Variants in AKAP13 observed in about 807,000 individuals in gnomAD.
AKAP13 encodes the protein A-kinase anchor protein 13.
In AKAP13, 80 loss-of-function variants were observed where a neutral mutation model predicts 264.5. The ratio of observed to expected loss-of-function variants is 0.30; its 90% CI spans 0.25 to 0.36. The LOEUF is 0.36. AKAP13 is among the 10% of genes least tolerant of loss of function. The pLI, the probability that AKAP13 is intolerant of heterozygous loss-of-function variation, is 1.00. For synonymous variants in AKAP13, 1,380 were observed against 1,250.2 expected, an observed-to-expected ratio of 1.10 and a Z score of -2.19; for missense variants, 3,712 against 3,435.2, an observed-to-expected ratio of 1.08 and a Z score of -2.01.
chr15:85,401,727 ACTTT>A (rs2150840888), intron 1 of AKAP13, among the ~76,000 whole-genome samples: 1 of 152,288 alleles, frequency 6.6e-6, no homozygotes, highest in Non-Finnish European at 1.5e-5. Flanking sequence ...AGGTCTCCCT[ACTTT>A]CTTTCCTGTC....
At position 85,415,392 on chromosome 15, in the gene AKAP13, A is replaced by C. The variant is rs530932491; in HGVS notation, c.-12+34594A>C. On this transcript the variant is annotated intron_variant, in intron 1 of 36. Coordinates refer to ENST00000394518, the MANE Select transcript of AKAP13 (RefSeq NM_007200.5). ...TGATGGCAAAAACCTCACCATAAAA[A>C]CCGAGAGCACTTTGAAAACAACACA... The C allele has an allele frequency of 6.8e-6, 11 of 1,605,934 alleles. No homozygotes were observed. The East Asian group carries it at 2.5e-4, about 36-fold the overall frequency.
At chr15:85,668,471 A>G (rs1436201107) in intron 13 of AKAP13, among the ~76,000 whole-genome samples, 1 of 152,204 alleles carries the variant, frequency 6.6e-6, no homozygotes, top group African/African-American at 2.4e-5. Flanking sequence ...CATGGTCTCA[A>G]AGCTGCTGTG....
chr15:85,580,446 G>A lies in AKAP13; in HGVS notation c.2378G>A (p.Ser793Asn). ...STFSLANSPG[S>N]ESVTKDDALS... ...TTCTCTCTGGCAAACAGTCCAGGCA[G>A]TGAATCAGTAACCAAGGATGACGCA... The change falls in exon 7 of 37, where the codon AGT (serine) becomes AAT (asparagine). Residue 793 changes from serine (S) to asparagine (N), a missense_variant. Physicochemically the swap from Ser to Asn is conservative, Grantham distance 46. Around this residue, in one of 3 missense-constraint regions of AKAP13, gnomAD observed 2,759 missense variants for 2,411.7 expected, o/e 1.14. Transcript: ENST00000394518. 6.2e-7 allele frequency: 1 copy of A among 1,614,232 alleles called. No homozygotes were observed. The highest frequency in any genetic ancestry group is 8.5e-7 in the Non-Finnish European group (1 of 1,180,042).
chr15:85,459,003 A>T (rs2074397533), intron 1 of AKAP13, among the ~76,000 whole-genome samples: 1 of 152,154 alleles, frequency 6.6e-6, no homozygotes, highest in Non-Finnish European at 1.5e-5. Flanking sequence ...CATGTCATAA[A>T]CTATATCACT....
At chr15:85,458,395 T>TTTTTG (rs1555431456) in intron 1 of AKAP13, among the ~76,000 whole-genome samples, 8 of 145,376 alleles carry the variant, frequency 5.5e-5, no homozygotes, top group African/African-American at 1.5e-4. Context: ...TGTTTTTTGT[T>TTTTTG]TTTTTTTTTT....
chr15:85,665,582 G>C (rs1335883494), intron 13 of AKAP13, among the ~76,000 whole-genome samples: 3 of 152,122 alleles, frequency 2.0e-5, no homozygotes, highest in East Asian at 3.9e-4. Context: ...ACAACGTGCA[G>C]GTTTGTTACA....
rs75264289 is a variant in AKAP13, at chr15:85,458,414, A to G, written c.-11-27296A>G. Among the ~76,000 whole-genome samples, 124 of 90,956 alleles carry G rather than the reference A, an allele frequency of 1.4e-3. 4 individuals are homozygous for G. The East Asian group carries it at 0.033, about 24-fold the overall frequency. 59.7% of individuals were successfully genotyped at this position (90,956 alleles called of 152,430 possible). ...TTTTGTTTTTTTTTTTTTTTACTAT[A>G]TATGTATGGAGTGCAACACATCTGT... On this transcript the variant is annotated intron_variant, in intron 1 of 36. Coordinates refer to ENST00000394518, the MANE Select transcript of AKAP13 (RefSeq NM_007200.5).
chr15:85,542,312 A>G (rs4503747), intron 4 of AKAP13, among the ~76,000 whole-genome samples: 136,731 of 152,222 alleles, frequency 0.9, 61,600 homozygotes, highest in South Asian at 0.96. Context: ...TGGTCTATGC[A>G]TATACAGTTC....
rs754928550 is a variant in AKAP13 at position 85,708,103 on chromosome 15, A to G, written c.5532+17A>G. ...AAAATGAAGGTAAGACTTTCTGGCT[A>G]AAACAAGGCTTAAAATAAAAGGGTT... On this transcript the variant is annotated intron_variant, in intron 18 of 36. Transcript: ENST00000394518. The surrounding 1 kb of genome is among the most constrained non-coding windows in gnomAD (Gnocchi z 4.3). The G allele has an allele frequency of 1.1e-5, 17 of 1,612,710 alleles. No individual in the cohort carries two copies. The highest frequency in any genetic ancestry group is 9.3e-6 in the Non-Finnish European group (11 of 1,179,210).
At chr15:85,689,562 GAA>G (rs1389214918) in intron 16 of AKAP13, among the ~76,000 whole-genome samples, 3 of 152,186 alleles carry the variant, frequency 2.0e-5, no homozygotes, top group Non-Finnish European at 4.4e-5. Flanking sequence ...GTTAAACATG[GAA>G]AAGTCAAACT....
intron 1 of AKAP13, among the ~76,000 whole-genome samples, chr15:85,412,304 A>G (rs1296576999): frequency 2.6e-5 from 4 of 152,242 alleles, no homozygotes; most frequent in African/African-American, 9.6e-5. Context: ...GACTATTAAA[A>G]TACTACTCCT....
In AKAP13 at chr15:85,703,842, C is replaced by CAA. The variant is rs58183279; in HGVS notation, c.5465-4166_5465-4165dup. ...TGGGTGACAGAGCAAGACTCCATCTCAAAAAAAAAAAATATATATATATAT... is the reference window on the plus strand; with the variant it reads ...TGGGTGACAGAGCAAGACTCCATCTCAAAAAAAAAAAAAATATATATATATAT... On this transcript the variant is annotated intron_variant, in intron 17 of 36. Transcript: ENST00000394518. Among the ~76,000 whole-genome samples the CAA allele has an allele frequency of 3.2e-3, 443 of 138,018 alleles. 1 individual carries two copies. The highest frequency in any genetic ancestry group is 6.6e-3 in the East Asian group (31 of 4,710). 90.5% of individuals were successfully genotyped at this position (138,018 alleles called of 152,430 possible).
chr15:85,582,822 C>T lies in AKAP13; in HGVS notation c.4039+715C>T, dbSNP rs1265524489. 14 of 974,492 alleles carry T rather than the reference C, an allele frequency of 1.4e-5. No homozygotes were observed. In the South Asian group the frequency reaches 2.4e-4, roughly 17 times the overall value. 60.4% of individuals were successfully genotyped at this position (974,492 alleles called of 1,614,324 possible). ...TGCAGGGGATAGGATGCAGGATTTC[C>T]GCCCAAGCCCAGTCTGCTGAGCTGC... On this transcript the variant is annotated intron_variant, in intron 7 of 36. Coordinates refer to ENST00000394518, the MANE Select transcript of AKAP13 (RefSeq NM_007200.5).
chr15:85,560,301 C>A (rs2078322466), intron 5 of AKAP13, among the ~76,000 whole-genome samples: 1 of 152,014 alleles, frequency 6.6e-6, no homozygotes, highest in African/African-American at 2.4e-5. Flanking sequence ...TGTGCACCAC[C>A]AGGCCGGGCT....
chr15:85,465,572 G>A (rs965699188), intron 1 of AKAP13, among the ~76,000 whole-genome samples: 7 of 140,792 alleles, frequency 5.0e-5, no homozygotes, highest in East Asian at 2.1e-4. Flanking sequence ...TCATTGTTCA[G>A]TTCCCACCTA....
At chr15:85,606,993 C>T (rs1430845386) in intron 8 of AKAP13, among the ~76,000 whole-genome samples, 1 of 151,834 alleles carries the variant, frequency 6.6e-6, no homozygotes, top group Non-Finnish European at 1.5e-5. Flanking sequence ...TGGGGATTGG[C>T]CAGGAAAAAT....
chr15:85,579,149 G>A lies in AKAP13; in HGVS notation c.1081G>A (p.Glu361Lys). 1 of 1,614,168 alleles carries A rather than the reference G, an allele frequency of 6.2e-7. No individual in the cohort carries two copies. Among genetic ancestry groups the A allele is most frequent in the Non-Finnish European group, 8.5e-7 (1 of 1,180,044 alleles). ...TCCCTGTGATTTGTCAAGCATAGTT[G>A]AGGAGGAGAATACAGACCGTTCCTG... is the stretch of plus-strand genomic sequence containing the variant. ...ESPCDLSSIV[E>K]EENTDRSCRK... is the part of the protein sequence containing the mutation. Residue 361 changes from glutamate to lysine, a missense_variant, in exon 7 of 37, where the codon GAG becomes AAG. Glu to Lys is a moderately conservative substitution (Grantham distance 56). Around this residue, in one of 3 missense-constraint regions of AKAP13, gnomAD observed 2,759 missense variants for 2,411.7 expected, o/e 1.14. Coordinates refer to ENST00000394518, the MANE Select transcript of AKAP13 (RefSeq NM_007200.5).
At chr15:85,613,132 A>G (rs903206461) in intron 8 of AKAP13, among the ~76,000 whole-genome samples, 13 of 152,222 alleles carry the variant, frequency 8.5e-5, no homozygotes, top group Admixed American at 2.0e-4. Flanking sequence ...AGTTTTATCA[A>G]ATACAACAGT....
Position 85,579,423 on chromosome 15 carries a change from TG to T in AKAP13, c.1357del (p.Glu453SerfsTer35). ...GCTGTGCTTCAGAGAGACTTGGTCATGGAGCCAGGCACAGCCCAGTATTCCT... is the reference window on the plus strand; with the variant it reads ...GCTGTGCTTCAGAGAGACTTGGTCATGAGCCAGGCACAGCCCAGTATTCCT... ...GDAVLQRDLV[M>X]EPGTAQYSSG... On this transcript the variant is annotated frameshift_variant, in exon 7 of 37. Transcript: ENST00000394518. LOFTEE classifies it high-confidence loss of function. 1 of 1,613,852 alleles carries T rather than the reference TG, an allele frequency of 6.2e-7. No individual in the cohort carries two copies. The highest frequency in any genetic ancestry group is 8.5e-7 in the Non-Finnish European group (1 of 1,179,974).
Sources: allele counts gnomAD v4.1 joint callset (sites outside exome capture counted in the v4.1 genomes callset), GRCh38; gene constraint gnomAD v4.1.1; regional missense constraint gnomAD v4.1.1; non-coding constraint Gnocchi (gnomAD v3.1); transcripts MANE v1.5; gene names NCBI Gene and HGNC (gene_info 2026-07-23, HGNC 2026-07-21).